Variants in THNSL1 observed in about 807,000 individuals in gnomAD.
THNSL1 encodes threonine synthase like 1, also known as threonine synthase-like 1.
In THNSL1, 48 loss-of-function variants were observed where a neutral mutation model predicts 50.4. The observed-to-expected ratio is 0.95, with a 90% CI of 0.76 to 1.21. The LOEUF (loss-of-function observed/expected upper bound fraction) is 1.21. THNSL1 is among the 50% of genes most tolerant of loss of function. The pLI, the probability that THNSL1 is intolerant of heterozygous loss-of-function variation, is 0.00. For missense variants in THNSL1, 896 were observed against 871.7 expected (o/e 1.03, Z -0.35); for synonymous variants, 309 against 306.1 (o/e 1.01, Z -0.10).
chr10:24,990,816 A>G, the THNSL1 span, among the ~76,000 whole-genome samples: 1 of 152,158 alleles, frequency 6.6e-6, no homozygotes, highest in Non-Finnish European at 1.5e-5. Context: ...GTTATTGCCC[A>G]GGCATAGTGG....
the THNSL1 span, among the ~76,000 whole-genome samples, chr10:24,960,629 G>A: frequency 6.6e-6 from 1 of 151,882 alleles, no homozygotes; most frequent in Non-Finnish European, 1.5e-5. Flanking sequence ...GTTTTACCAT[G>A]TTGGCCAGGC....
chr10:25,024,637 A>G lies in THNSL1; in HGVS notation c.1414A>G (p.Asn472Asp). ...AATCTTAAGTTCGGCTAACTCCATA[A>G]ACTGGGGCCGACTACTTCCGCAGGT... is the stretch of plus-strand genomic sequence containing the variant. ...GTILSSANSI[N>D]WGRLLPQVVY... is the part of the protein sequence containing the mutation. The change falls in exon 3 of 3, where the codon AAC (asparagine) becomes GAC (aspartate). Residue 472 changes from asparagine to aspartate, a missense_variant. Transcript: ENST00000376356. The G allele has an allele frequency of 6.2e-7, 1 of 1,614,234 alleles. No individual in the cohort carries two copies. The highest frequency in any genetic ancestry group is 8.5e-7 in the Non-Finnish European group (1 of 1,180,042).
the THNSL1 span, among the ~76,000 whole-genome samples, chr10:24,985,517 T>G: frequency 3.9e-5 from 6 of 152,356 alleles, no homozygotes; most frequent in African/African-American, 1.4e-4. Context: ...TAATGTATTC[T>G]ATAAATGATT....
At chr10:24,954,428 G>A in the THNSL1 span, among the ~76,000 whole-genome samples, 1 of 151,998 alleles carries the variant, frequency 6.6e-6, no homozygotes, top group Non-Finnish European at 1.5e-5. Flanking sequence ...CAGATTGGGG[G>A]GTACCAGGAA....
Position 25,024,802 on chromosome 10 carries a change from A to T in THNSL1, c.1579A>T (p.Ile527Phe). 3 of 1,614,186 alleles carry T rather than the reference A, an allele frequency of 1.9e-6. No individual in the cohort carries two copies. The highest frequency in any genetic ancestry group is 2.5e-6 in the Non-Finnish European group (3 of 1,180,022). ...AVYAKMMGIPIRKFICASNQN... is the reference protein window; with the variant it reads ...AVYAKMMGIPFRKFICASNQN... ...GTATGCCAAAATGATGGGAATCCCG[A>T]TTCGAAAATTTATCTGTGCCTCTAA... The change falls in exon 3 of 3, where the codon ATT (isoleucine) becomes TTT (phenylalanine). Residue 527 changes from isoleucine to phenylalanine, a missense_variant. Transcript: ENST00000376356.
At chr10:25,007,168 A>C in the THNSL1 span, among the ~76,000 whole-genome samples, 1 of 152,126 alleles carries the variant, frequency 6.6e-6, no homozygotes, top group Non-Finnish European at 1.5e-5. Context: ...TATTTCCCTG[A>C]TCTGTAAAAA....
the THNSL1 span, among the ~76,000 whole-genome samples, chr10:25,003,521 T>C: frequency 6.6e-6 from 1 of 152,252 alleles, no homozygotes; most frequent in Non-Finnish European, 1.5e-5. Flanking sequence ...TTTCTATTTC[T>C]GTAAGAATTG....
chr10:24,953,447 T>A, the THNSL1 span: 1 of 152,284 alleles, frequency 6.6e-6, no homozygotes, highest in Non-Finnish European at 1.5e-5. Context: ...TGCAAGAACA[T>A]CTGGTCAGAT....
chr10:25,001,600 G>A, the THNSL1 span, among the ~76,000 whole-genome samples: 1 of 151,636 alleles, frequency 6.6e-6, no homozygotes. Flanking sequence ...TTCTATTACT[G>A]TGTCTTCAAA....
upstream of THNSL1, among the ~76,000 whole-genome samples, chr10:25,012,033 T>C (rs1420687431): frequency 6.6e-6 from 1 of 152,102 alleles, no homozygotes; most frequent in Non-Finnish European, 1.5e-5. Flanking sequence ...GTGCCCTGAG[T>C]CACAGCCATG....
At chr10:24,973,210 T>A in the THNSL1 span, among the ~76,000 whole-genome samples, 2 of 152,148 alleles carry the variant, frequency 1.3e-5, no homozygotes, top group Non-Finnish European at 2.9e-5. Context: ...CCAGCAGCAC[T>A]ACTCCTGCAC....
At chr10:25,007,117 T>A in the THNSL1 span, among the ~76,000 whole-genome samples, 2 of 152,224 alleles carry the variant, frequency 1.3e-5, no homozygotes, top group Non-Finnish European at 2.9e-5. Flanking sequence ...CTGTAAAAAT[T>A]TGAGTCATCA....
At chr10:24,988,992 C>T in the THNSL1 span, among the ~76,000 whole-genome samples, 3 of 151,820 alleles carry the variant, frequency 2.0e-5, no homozygotes, top group African/African-American at 7.3e-5. Flanking sequence ...GCTATCATCA[C>T]ATCAAAGGGT....
the THNSL1 span, among the ~76,000 whole-genome samples, chr10:24,996,202 C>G: frequency 1.3e-5 from 2 of 152,286 alleles, no homozygotes; most frequent in East Asian, 3.9e-4. Flanking sequence ...GTGGGCAGAT[C>G]GCTTGAGCTC....
the THNSL1 span, among the ~76,000 whole-genome samples, chr10:25,003,185 T>TTA: frequency 6.0e-5 from 9 of 149,446 alleles, no homozygotes; most frequent in Non-Finnish European, 9.0e-5. Context: ...TTAATTAATT[T>TTA]ATTTATTTAT....
the THNSL1 span, among the ~76,000 whole-genome samples, chr10:24,998,195 G>A: frequency 5.3e-5 from 8 of 152,176 alleles, no homozygotes; most frequent in African/African-American, 1.9e-4. Flanking sequence ...ATCGCTAGCC[G>A]GGCTTGAGAT....
chr10:25,026,383 A>T lies in THNSL1; in HGVS notation c.*928A>T, dbSNP rs1850852506. 1 of 166,960 alleles carries T rather than the reference A, an allele frequency of 6.0e-6. No homozygotes were observed. Among genetic ancestry groups the T allele is most frequent in the Non-Finnish European group, 1.5e-5 (1 of 68,130 alleles). 10.3% of individuals were successfully genotyped at this position (166,960 alleles called of 1,614,324 possible). ...CTACTTAGAAGTGAATACAGAAATG[A>T]TCTATTTCAAGAGGAAGGTTTTCCA... On this transcript the variant is annotated 3_prime_UTR_variant, in exon 3 of 3. Transcript: ENST00000376356.
At chr10:25,020,007 C>A (rs1850685728) in intron 1 of THNSL1, among the ~76,000 whole-genome samples, 1 of 152,030 alleles carries the variant, frequency 6.6e-6, no homozygotes. Flanking sequence ...ATGAGGATGT[C>A]TTTTCCTCAT....
the THNSL1 span, among the ~76,000 whole-genome samples, chr10:24,994,676 C>T: frequency 2.0e-5 from 3 of 152,056 alleles, no homozygotes; most frequent in Non-Finnish European, 4.4e-5. Flanking sequence ...TTTATAAGTG[C>T]GCAAAATAAA....
Sources: gnomAD v4.1 joint callset for allele counts (sites outside exome capture counted in the v4.1 genomes callset) on GRCh38, gnomAD v4.1.1 for gene constraint, MANE v1.5 for transcripts, NCBI Gene and HGNC (gene_info 2026-07-23, HGNC 2026-07-21) for gene names.